CACNA2D3: variants seen among roughly 807,000 people sequenced by gnomAD.
CACNA2D3 encodes calcium voltage-gated channel auxiliary subunit alpha2delta 3, also known as voltage-dependent calcium channel subunit alpha-2/delta-3.
CACNA2D3 carries 60 observed loss-of-function variants against 160.6 expected under a neutral mutation model. The ratio of observed to expected loss-of-function variants is 0.37; its 90% confidence interval spans 0.30 to 0.46. The LOEUF (loss-of-function observed/expected upper bound fraction) is 0.46. Ranked by LOEUF, CACNA2D3 falls within the 20% of genes least tolerant of loss-of-function variation. The pLI, the probability that CACNA2D3 is intolerant of heterozygous loss-of-function variation, is 1.00. For synonymous variants in CACNA2D3, 558 were observed against 492.9 expected (o/e 1.13, Z -1.75); for missense variants, 1,205 against 1,365.0 (o/e 0.88, Z 1.85).
At chr3:54,435,150 T>C (rs1575452834) in intron 4 of CACNA2D3, among the ~76,000 whole-genome samples, 1 of 152,130 alleles carries the variant, frequency 6.6e-6, no homozygotes, top group Non-Finnish European at 1.5e-5. Flanking sequence ...GTTTCCACTC[T>C]ACCTAGCATC....
Position 54,360,319 on chromosome 3 carries a change from C to G in CACNA2D3, c.322-26396C>G, listed in dbSNP as rs368938263. ...GTTTTTCAGTTCCAGTTTCTTCAAACAGATGAATGAAAAACTATATATGCA... is the reference window on the plus strand; with the variant it reads ...GTTTTTCAGTTCCAGTTTCTTCAAAGAGATGAATGAAAAACTATATATGCA... On this transcript the variant is annotated intron_variant, in intron 3 of 37. Transcript: ENST00000474759. Among the ~76,000 whole-genome samples the G allele has an allele frequency of 9.2e-5, 14 of 152,298 alleles. No individual in the cohort carries two copies. In the South Asian group the frequency reaches 2.7e-3, roughly 29 times the overall value.
chr3:54,766,514 T>C (rs1248265260), intron 13 of CACNA2D3, among the ~76,000 whole-genome samples: 1 of 152,224 alleles, frequency 6.6e-6, no homozygotes, highest in Non-Finnish European at 1.5e-5. Context: ...ATTCATTGAT[T>C]GTGGGAATGC....
At chr3:54,818,782 A>G (rs1356938920) in intron 14 of CACNA2D3, among the ~76,000 whole-genome samples, 2 of 152,208 alleles carry the variant, frequency 1.3e-5, no homozygotes, top group African/African-American at 2.4e-5. Flanking sequence ...TGTTCCTATC[A>G]TGGCTAGAAA....
At chr3:54,694,138 A>G (rs2106937149) in intron 11 of CACNA2D3, among the ~76,000 whole-genome samples, 1 of 152,250 alleles carries the variant, frequency 6.6e-6, no homozygotes, top group African/African-American at 2.4e-5. Flanking sequence ...CCTATACAGG[A>G]GTTCCATTTT....
intron 26 of CACNA2D3, among the ~76,000 whole-genome samples, chr3:54,898,130 T>A (rs1374654525): frequency 1.4e-5 from 2 of 141,134 alleles, no homozygotes; most frequent in African/African-American, 5.5e-5. Flanking sequence ...TCTTTCTTTT[T>A]CTTTTTCTTT....
chr3:54,252,938 C>A (rs1293947815), intron 2 of CACNA2D3, among the ~76,000 whole-genome samples: 1 of 152,182 alleles, frequency 6.6e-6, no homozygotes, highest in Non-Finnish European at 1.5e-5. Flanking sequence ...GAAATCATTT[C>A]CTGGCTTTAG....
At chr3:54,815,117 G>A (rs186678242) in intron 13 of CACNA2D3, among the ~76,000 whole-genome samples, 18 of 152,068 alleles carry the variant, frequency 1.2e-4, no homozygotes, top group Admixed American at 1.2e-3. Context: ...TCATCTCGTG[G>A]TCTATTTTTT....
intron 4 of CACNA2D3, among the ~76,000 whole-genome samples, chr3:54,409,834 G>T (rs376511747): frequency 6.6e-6 from 1 of 152,204 alleles, no homozygotes. Flanking sequence ...CCAAAGAAAA[G>T]CTTGAAGCTA....
intron 13 of CACNA2D3, among the ~76,000 whole-genome samples, chr3:54,807,424 C>G (rs1177347922): frequency 6.6e-6 from 1 of 152,168 alleles, no homozygotes; most frequent in East Asian, 1.9e-4. Context: ...CAAAAGAAGG[C>G]ATTTATGCAG....
chr3:54,668,719 C>G (rs897957895), intron 11 of CACNA2D3, among the ~76,000 whole-genome samples: 2 of 152,264 alleles, frequency 1.3e-5, no homozygotes, highest in Non-Finnish European at 2.9e-5. Flanking sequence ...ACACAGGAGA[C>G]AGGGAACCTG....
chr3:54,830,187 C>T (rs918688101), intron 14 of CACNA2D3, among the ~76,000 whole-genome samples: 10 of 152,228 alleles, frequency 6.6e-5, no homozygotes, highest in Middle Eastern at 3.4e-3. Flanking sequence ...TCATGATCCA[C>T]CTGCCTTGGC....
At chr3:54,433,983 G>C (rs570996903) in intron 4 of CACNA2D3, among the ~76,000 whole-genome samples, 1 of 152,194 alleles carries the variant, frequency 6.6e-6, no homozygotes, top group Non-Finnish European at 1.5e-5. Context: ...TGGTGTCAGC[G>C]GAAATGAGCA....
At chr3:54,668,201 C>T (rs1044216486) in intron 11 of CACNA2D3, among the ~76,000 whole-genome samples, 24 of 152,252 alleles carry the variant, frequency 1.6e-4, no homozygotes, top group African/African-American at 5.8e-4. Context: ...AGAAGTTAGA[C>T]CTAATTTTAA....
intron 4 of CACNA2D3, among the ~76,000 whole-genome samples, chr3:54,481,476 G>C (rs566168013): frequency 6.6e-6 from 1 of 152,164 alleles, no homozygotes; most frequent in Non-Finnish European, 1.5e-5. Flanking sequence ...CCTGGCTTCC[G>C]TGGCTTCTCT....
chr3:54,502,728 A>C (rs1701313730), intron 4 of CACNA2D3, among the ~76,000 whole-genome samples: 1 of 152,176 alleles, frequency 6.6e-6, no homozygotes, highest in Non-Finnish European at 1.5e-5. Context: ...CTCTATTCCT[A>C]AGTGTCCTCA....
At chr3:54,906,201 CAGGAAGGGA>C (rs71932091) in intron 27 of CACNA2D3, among the ~76,000 whole-genome samples, 2,545 of 150,124 alleles carry the variant, frequency 0.017, 68 homozygotes, top group African/African-American at 0.06. Context: ...GAATGAGAGA[CAGGAAGGGA>C]AGGAAGGGAA....
intron 28 of CACNA2D3, 79 bp downstream of exon 28, chr3:54,968,590 A>T (rs1702205104): frequency 2.0e-6 from 2 of 987,838 alleles, no homozygotes; most frequent in Non-Finnish European, 1.6e-6. Flanking sequence ...CTGGAGCCTG[A>T]AAGTGCCAGA....
chr3:54,227,088 T>C (rs2107386200), intron 2 of CACNA2D3, among the ~76,000 whole-genome samples: 1 of 152,216 alleles, frequency 6.6e-6, no homozygotes, highest in East Asian at 1.9e-4. Flanking sequence ...GGCAGGGTCA[T>C]TGTGAAGATG....
chr3:54,547,352 C>T (rs1702080939), intron 5 of CACNA2D3, among the ~76,000 whole-genome samples: 1 of 152,128 alleles, frequency 6.6e-6, no homozygotes, highest in African/African-American at 2.4e-5. Context: ...AACCCAGGCC[C>T]CTGGCACCAT....
Sources: allele counts gnomAD v4.1 joint callset (sites outside exome capture counted in the v4.1 genomes callset), GRCh38; gene constraint gnomAD v4.1.1; transcripts MANE v1.5; gene names NCBI Gene and HGNC (gene_info 2026-07-23, HGNC 2026-07-21).